Variants in HCN1 observed in about 807,000 individuals in gnomAD.
HCN1 encodes the protein potassium/sodium hyperpolarization-activated cyclic nucleotide-gated channel 1.
Under a neutral mutation model 78.9 loss-of-function variants are expected in HCN1, and 13 were observed. The ratio of observed to expected loss-of-function variants is 0.16; its 90% CI spans 0.11 to 0.26. The LOEUF is 0.26. Ranked by LOEUF, HCN1 falls within the 10% of genes least tolerant of loss-of-function variation. The probability of loss-of-function intolerance (pLI) is 1.00; values close to 1 mark genes in which losing one functional copy is unlikely to be tolerated. For missense variants in HCN1, 810 were observed against 1,154.3 expected, an observed-to-expected ratio of 0.70 and a Z score of 4.32; for synonymous variants, 552 against 455.5, an observed-to-expected ratio of 1.21 and a Z score of -2.70.
intron 2 of HCN1, among the ~76,000 whole-genome samples, chr5:45,501,789 C>T (rs1184928556): frequency 2.6e-5 from 4 of 152,080 alleles, no homozygotes; most frequent in African/African-American, 9.7e-5. Context: ...CCCCATATGC[C>T]TAGCCTTTGA....
intron 5 of HCN1, among the ~76,000 whole-genome samples, chr5:45,310,841 G>C (rs908353502): frequency 2.6e-5 from 4 of 152,096 alleles, no homozygotes; most frequent in East Asian, 1.9e-4. Context: ...CCATAAAAAA[G>C]AATGAGATCA....
At chr5:45,284,789 A>T (rs1195224710) in intron 6 of HCN1, among the ~76,000 whole-genome samples, 2 of 152,024 alleles carry the variant, frequency 1.3e-5, no homozygotes, top group African/African-American at 4.8e-5. Flanking sequence ...TTCAAATCAA[A>T]CTGTTAAGTC....
chr5:45,320,025 T>G (rs76323355), intron 5 of HCN1, among the ~76,000 whole-genome samples: 1,794 of 151,982 alleles, frequency 0.012, 17 homozygotes, highest in Middle Eastern at 0.065. Flanking sequence ...TAGCTATACA[T>G]ATAATTTCCA....
intron 2 of HCN1, among the ~76,000 whole-genome samples, chr5:45,581,064 G>T (rs1204773531): frequency 6.6e-6 from 1 of 152,156 alleles, no homozygotes; most frequent in African/African-American, 2.4e-5. Context: ...GTAATGGGAT[G>T]GCTGGGTCAA....
chr5:45,489,115 T>C (rs1289470044), intron 2 of HCN1, among the ~76,000 whole-genome samples: 1 of 152,200 alleles, frequency 6.6e-6, no homozygotes, highest in Non-Finnish European at 1.5e-5. Flanking sequence ...GAGTTGGGTG[T>C]TGGACACAGG....
At chr5:45,631,205 A>C (rs2112011290) in intron 2 of HCN1, among the ~76,000 whole-genome samples, 1 of 152,330 alleles carries the variant, frequency 6.6e-6, no homozygotes, top group South Asian at 2.1e-4. Context: ...CTACTGAAGT[A>C]ATGCTATTAA....
intron 3 of HCN1, among the ~76,000 whole-genome samples, chr5:45,456,474 T>TACA (rs1437187740): frequency 6.6e-6 from 1 of 152,006 alleles, no homozygotes; most frequent in Admixed American, 6.6e-5. Context: ...AGAATAGCAC[T>TACA]TATCAAAATT....
At chr5:45,576,097 G>A (rs193012282) in intron 2 of HCN1, 7 of 152,066 alleles carry the variant, frequency 4.6e-5, no homozygotes, top group East Asian at 1.9e-4. Flanking sequence ...TGACCTTGCC[G>A]GATTCAAGAA....
chr5:45,536,870 G>A (rs970506651), intron 2 of HCN1, among the ~76,000 whole-genome samples: 1 of 152,176 alleles, frequency 6.6e-6, no homozygotes. Context: ...CATCCCATAA[G>A]GTTGGCAGCA....
intron 1 of HCN1, among the ~76,000 whole-genome samples, chr5:45,685,663 C>T (rs1739790880): frequency 6.6e-6 from 1 of 151,688 alleles, no homozygotes; most frequent in Non-Finnish European, 1.5e-5. Context: ...GGTGAGCCAA[C>T]ATCGTGCCAT....
intron 2 of HCN1, among the ~76,000 whole-genome samples, chr5:45,608,028 G>T (rs948745827): frequency 6.6e-6 from 1 of 151,832 alleles, no homozygotes; most frequent in South Asian, 2.1e-4. Flanking sequence ...TAGTAATGTT[G>T]CTGGATTTAA....
At chr5:45,372,146 T>TTATATA (rs1554021039) in intron 4 of HCN1, among the ~76,000 whole-genome samples, 6 of 54,056 alleles carry the variant, frequency 1.1e-4, no homozygotes, top group African/African-American at 6.8e-4. Flanking sequence ...TAATAATATA[T>TTATATA]TATATAATAT....
chr5:45,394,702 A>C (rs745474522), intron 4 of HCN1, among the ~76,000 whole-genome samples: 12 of 152,012 alleles, frequency 7.9e-5, no homozygotes, highest in Non-Finnish European at 1.6e-4. Flanking sequence ...TGGAATCCCA[A>C]CTACTTGGGA....
chr5:45,494,660 A>C (rs1741982572), intron 2 of HCN1, among the ~76,000 whole-genome samples: 1 of 152,044 alleles, frequency 6.6e-6, no homozygotes, highest in Non-Finnish European at 1.5e-5. Flanking sequence ...TGTTTTAGAC[A>C]TGAAGTCCTT....
At chr5:45,295,935 G>C (rs1200264514) in intron 6 of HCN1, among the ~76,000 whole-genome samples, 1 of 151,946 alleles carries the variant, frequency 6.6e-6, no homozygotes, top group African/African-American at 2.4e-5. Context: ...CATGTTATTA[G>C]ATTTTAACTG....
intron 2 of HCN1, among the ~76,000 whole-genome samples, chr5:45,578,597 T>C (rs1371809221): frequency 6.6e-6 from 1 of 152,018 alleles, no homozygotes; most frequent in Non-Finnish European, 1.5e-5. Flanking sequence ...TCATCATAGC[T>C]CAACAGTACG....
chr5:45,300,602 GTAT>G (rs1233628711), intron 6 of HCN1, among the ~76,000 whole-genome samples: 3 of 151,948 alleles, frequency 2.0e-5, no homozygotes, highest in Non-Finnish European at 4.4e-5. Context: ...TCAACTATTT[GTAT>G]TATTGTTAAG....
intron 3 of HCN1, among the ~76,000 whole-genome samples, chr5:45,419,187 G>C (rs909399336): frequency 1.3e-5 from 2 of 152,114 alleles, no homozygotes; most frequent in Non-Finnish European, 2.9e-5. Flanking sequence ...TTCATATCTT[G>C]AAAGAACTAT....
At chr5:45,618,724 A>G (rs1580002218) in intron 2 of HCN1, among the ~76,000 whole-genome samples, 1 of 152,226 alleles carries the variant, frequency 6.6e-6, no homozygotes, top group South Asian at 2.1e-4. Context: ...ATATTTAGGA[A>G]GTAAAATAAT....
Sources: allele counts gnomAD v4.1 joint callset (sites outside exome capture counted in the v4.1 genomes callset), GRCh38; gene constraint gnomAD v4.1.1; transcripts MANE v1.5; gene names NCBI Gene and HGNC (gene_info 2026-07-23, HGNC 2026-07-21).